The following OR5BS1 variants were observed in gnomAD, a reference collection of about 807,000 sequenced individuals.
The protein encoded by OR5BS1 is olfactory receptor family 5 subfamily BS member 1, also known as olfactory receptor 5BS1.
At chr12:48,560,409 T>A in the OR5BS1 span, 1 of 401,474 alleles carries the variant, frequency 2.5e-6, no homozygotes, top group African/African-American at 2.0e-5. Flanking sequence ...TCATCCACAG[T>A]TTTGCCTGCG....
chr12:48,561,784 A>G, the OR5BS1 span, among the ~76,000 whole-genome samples: 1 of 152,140 alleles, frequency 6.6e-6, no homozygotes, highest in South Asian at 2.1e-4. Flanking sequence ...AATAAGTAAA[A>G]TAAATAAATA....
chr12:48,561,572 G>A, the OR5BS1 span, among the ~76,000 whole-genome samples: 1 of 152,192 alleles, frequency 6.6e-6, no homozygotes. Flanking sequence ...CTCAGACATC[G>A]ACAGCTCTGT....
At chr12:48,560,777 C>T in the OR5BS1 span, 1 of 396,840 alleles carries the variant, frequency 2.5e-6, no homozygotes, top group South Asian at 1.4e-4. Flanking sequence ...CTAGTGCTGG[C>T]TCTACCATGG....
chr12:48,562,563 C>T, the OR5BS1 span, among the ~76,000 whole-genome samples: 15 of 152,174 alleles, frequency 9.9e-5, no homozygotes, highest in African/African-American at 3.6e-4. Context: ...GCTTGTTCCT[C>T]GGGGCAGCTC....
the OR5BS1 span, chr12:48,560,674 T>C: frequency 1.0e-5 from 4 of 401,010 alleles, no homozygotes; most frequent in Non-Finnish European, 4.4e-6. Context: ...ACTATACCCC[T>C]GAATATAAAT....
chr12:48,562,169 T>G, the OR5BS1 span, among the ~76,000 whole-genome samples: 1 of 152,228 alleles, frequency 6.6e-6, no homozygotes, highest in African/African-American at 2.4e-5. Context: ...TTACCAGTTT[T>G]GGCTTCTTTT....
chr12:48,560,862 G>A, the OR5BS1 span, among the ~76,000 whole-genome samples: 1 of 152,096 alleles, frequency 6.6e-6, no homozygotes, highest in Non-Finnish European at 1.5e-5. Context: ...CAGCACTTTG[G>A]GAGGCTGAGG....
chr12:48,562,909 G>T, the OR5BS1 span: 4 of 401,598 alleles, frequency 1.0e-5, no homozygotes, highest in African/African-American at 4.1e-5. Context: ...GGAGGTAAAG[G>T]TGGCTCTGAG....
the OR5BS1 span, among the ~76,000 whole-genome samples, chr12:48,560,919 A>G: frequency 6.6e-6 from 1 of 152,258 alleles, no homozygotes; most frequent in East Asian, 1.9e-4. Context: ...CCTGGTCAAC[A>G]TGGCGAAACC....
the OR5BS1 span, chr12:48,562,794 G>A: frequency 1.5e-5 from 6 of 401,714 alleles, no homozygotes; most frequent in Admixed American, 2.6e-4. Context: ...TCCCTTCAAG[G>A]TATATGATTC....
At chr12:48,561,540 C>T in the OR5BS1 span, among the ~76,000 whole-genome samples, 9 of 152,296 alleles carry the variant, frequency 5.9e-5, no homozygotes, top group African/African-American at 1.7e-4. Context: ...GACCGAGATC[C>T]GTGCCCTTCC....
the OR5BS1 span, chr12:48,562,682 C>T: frequency 2.5e-6 from 1 of 397,690 alleles, no homozygotes; most frequent in Non-Finnish European, 4.5e-6. Context: ...AGAAAGTCAG[C>T]TCTGAAGACC....
At chr12:48,560,833 T>C in the OR5BS1 span, among the ~76,000 whole-genome samples, 135 of 152,332 alleles carry the variant, frequency 8.9e-4, no homozygotes, top group Admixed American at 6.7e-3. Context: ...CTGGGTACAG[T>C]GGCTCATGCC....
At chr12:48,559,904 C>G in the OR5BS1 span, 1 of 401,268 alleles carries the variant, frequency 2.5e-6, no homozygotes, top group Non-Finnish European at 4.4e-6. Context: ...AACATGACCA[C>G]AGTCACTGTG....
the OR5BS1 span, among the ~76,000 whole-genome samples, chr12:48,561,100 C>CAAAAAA: frequency 9.1e-6 from 1 of 109,692 alleles, no homozygotes. Flanking sequence ...GAGACTAGGT[C>CAAAAAA]AAAAAAAAAA....
chr12:48,561,328 G>T, the OR5BS1 span, among the ~76,000 whole-genome samples: 1 of 152,012 alleles, frequency 6.6e-6, no homozygotes, highest in Non-Finnish European at 1.5e-5. Context: ...GGGAGATGTC[G>T]CCAAAGCTTA....
At chr12:48,561,967 A>G in the OR5BS1 span, among the ~76,000 whole-genome samples, 3 of 152,122 alleles carry the variant, frequency 2.0e-5, no homozygotes, top group Non-Finnish European at 4.4e-5. Flanking sequence ...TTTATAACCA[A>G]ACACATTGGA....
At chr12:48,561,523 T>C in the OR5BS1 span, among the ~76,000 whole-genome samples, 5 of 152,188 alleles carry the variant, frequency 3.3e-5, no homozygotes, top group African/African-American at 4.8e-5. Flanking sequence ...AATGGAGCCA[T>C]AAGTTGGACC....
At chr12:48,562,931 C>T in the OR5BS1 span, 68 of 401,424 alleles carry the variant, frequency 1.7e-4, no homozygotes, top group African/African-American at 1.2e-3. Context: ...AGGATGCTGG[C>T]CAGGAAGTCC....
Sources: gnomAD v4.1 joint callset for allele counts (sites outside exome capture counted in the v4.1 genomes callset) on GRCh38, gnomAD v4.1.1 for gene constraint, MANE v1.5 for transcripts, NCBI Gene and HGNC (gene_info 2026-07-23, HGNC 2026-07-21) for gene names.